ITGB1BP1: variants seen among roughly 807,000 people sequenced by gnomAD.
ITGB1BP1 encodes integrin beta-1-binding protein 1.
In ITGB1BP1, 20 loss-of-function variants were observed where a neutral mutation model predicts 28.0. The observed-to-expected ratio is 0.71, with a 90% confidence interval of 0.50 to 1.04. The LOEUF is 1.04. Ranked by LOEUF, ITGB1BP1 falls within the 50% of genes least tolerant of loss-of-function variation. ITGB1BP1 has a pLI of 0.00. For missense variants in ITGB1BP1, 228 were observed against 242.5 expected (o/e 0.94, Z 0.40); for synonymous variants, 103 against 89.5 (o/e 1.15, Z -0.85).
intron 4 of ITGB1BP1, 69 bp from the exon 5 acceptor site, chr2:9,408,274 C>CT: frequency 1.1e-6 from 1 of 946,064 alleles, no homozygotes; most frequent in Non-Finnish European, 1.7e-6. Context: ...TGACTAGTCA[C>CT]TTTGAGTATC....
At chr2:9,418,331 C>T (rs926693639) in intron 2 of ITGB1BP1, among the ~76,000 whole-genome samples, 1 of 152,158 alleles carries the variant, frequency 6.6e-6, no homozygotes, top group Admixed American at 6.5e-5. Flanking sequence ...CCCCTTAATG[C>T]CTGCAATTTC....
At position 9,405,232 on chromosome 2, in the gene ITGB1BP1, C is replaced by T. The variant is rs902168608; in HGVS notation, c.*1602G>A. 7.2e-5 allele frequency: 11 copies of T among 152,174 alleles called. No homozygotes were observed. Among genetic ancestry groups the T allele is most frequent in the Non-Finnish European group, 1.0e-4 (7 of 68,020 alleles). The allele number at this position is 152,174 out of a possible 1,614,324, so 9.4% of individuals were successfully genotyped here. On this transcript the variant is annotated 3_prime_UTR_variant, in exon 7 of 7. Coordinates refer to ENST00000355346, the MANE Select transcript of ITGB1BP1 (RefSeq NM_004763.5). ...CTTACCAGAGGAGAAATTATATTAA[C>T]GACCCTGCTAATATCCTTTCTTAGT...
intron 2 of ITGB1BP1, 28 bp downstream of exon 2, chr2:9,418,598 G>T: frequency 1.4e-6 from 2 of 1,449,932 alleles, no homozygotes; most frequent in Non-Finnish European, 1.9e-6. Flanking sequence ...CCTGCTTTAT[G>T]ATTCTGTTCC....
At chr2:9,421,252 A>G (rs1450440127) in intron 1 of ITGB1BP1, among the ~76,000 whole-genome samples, 1 of 152,226 alleles carries the variant, frequency 6.6e-6, no homozygotes, top group Non-Finnish European at 1.5e-5. Context: ...ATCCCTTGAT[A>G]TGAAAATCAT....
Position 9,407,637 on chromosome 2 carries a change from T to C in ITGB1BP1, c.382-39A>G, listed in dbSNP as rs556404898. ...GAAAGATTCCGAGAGATCAGGACTC[T>C]CAAATGTTTGTCAGTCCTGATGACA... On this transcript the variant is annotated intron_variant, in intron 5 of 6. Coordinates refer to ENST00000355346, the MANE Select transcript of ITGB1BP1 (RefSeq NM_004763.5). 28 of 1,610,706 alleles carry C rather than the reference T, an allele frequency of 1.7e-5. 1 individual carries two copies. In the South Asian group the frequency reaches 2.1e-4, roughly 12 times the overall value.
At position 9,407,449 on chromosome 2, in the gene ITGB1BP1, C is replaced by T. The variant is rs778246050; in HGVS notation, c.531G>A (p.Leu177=). The T allele has an allele frequency of 8.1e-6, 13 of 1,614,148 alleles. No homozygotes were observed. Among genetic ancestry groups the T allele is most frequent in the Non-Finnish European group, 1.1e-5 (13 of 1,180,010 alleles). Residue 177 remains leucine (L), a splice_region_variant and synonymous_variant, in exon 6 of 7, where the codon CTG becomes CTA. Coordinates refer to ENST00000355346, the MANE Select transcript of ITGB1BP1 (RefSeq NM_004763.5). ...YSLWVYQCNS[L]EQAQAICKVL... is the part of the protein sequence containing the mutation. ...GCTAACCAAAGTAACGAAGTCTCAC[C>T]AGGCTGTTGCACTGATAAACCCACA...
intron 2 of ITGB1BP1, among the ~76,000 whole-genome samples, chr2:9,417,204 T>G (rs1398019188): frequency 6.6e-6 from 1 of 152,036 alleles, no homozygotes; most frequent in African/African-American, 2.4e-5. Flanking sequence ...TCACAACACC[T>G]GCACCTGCCT....
Position 9,407,434 on chromosome 2 carries a change from G to C in ITGB1BP1, c.531+15C>G, listed in dbSNP as rs1453212092. The stretch of plus-strand genomic sequence containing the variant: ...CTTGATGGGCAAGCAGCTAACCAAA[G>C]TAACGAAGTCTCACCAGGCTGTTGC... On this transcript the variant is annotated intron_variant, in intron 6 of 6. Transcript: ENST00000355346. 8 of 1,613,920 alleles carry C rather than the reference G, an allele frequency of 5.0e-6. No homozygotes were observed. Among genetic ancestry groups the C allele is most frequent in the African/African-American group, 1.3e-5 (1 of 74,932 alleles).
At chr2:9,421,555 T>C (rs533217837) in intron 1 of ITGB1BP1, among the ~76,000 whole-genome samples, 86 of 152,024 alleles carry the variant, frequency 5.7e-4, no homozygotes, top group African/African-American at 1.9e-3. Context: ...TGCGTGGTGG[T>C]GGGCGCCTGT....
At chr2:9,408,292 C>A in intron 4 of ITGB1BP1, 87 bp from the exon 5 acceptor site, 1 of 805,144 alleles carries the variant, frequency 1.2e-6, no homozygotes, top group South Asian at 1.5e-5. Flanking sequence ...ATCTGGCCAT[C>A]GCAAGCCCAA....
chr2:9,419,278 G>A (rs1679510154), intron 1 of ITGB1BP1, among the ~76,000 whole-genome samples: 1 of 152,074 alleles, frequency 6.6e-6, no homozygotes, highest in South Asian at 2.1e-4. Flanking sequence ...TTTCAGACAC[G>A]TCACCTAGTT....
In ITGB1BP1 at chr2:9,405,824, A is replaced by G. The variant is rs939697973; in HGVS notation, c.*1010T>C. Reference sequence around the variant, plus strand: ...TTTTAAGGTTCTCTTAACTCTAGGAATTGTGGTTGGCCAGCATGTTATCTT... The same window carrying G: ...TTTTAAGGTTCTCTTAACTCTAGGAGTTGTGGTTGGCCAGCATGTTATCTT... On this transcript the variant is annotated 3_prime_UTR_variant, in exon 7 of 7. Coordinates refer to ENST00000355346, the MANE Select transcript of ITGB1BP1 (RefSeq NM_004763.5). 1.3e-4 allele frequency: 20 copies of G among 152,220 alleles called. No homozygotes were observed. The highest frequency in any genetic ancestry group is 3.3e-4 in the Admixed American group (5 of 15,274). The allele number at this position is 152,220 out of a possible 1,614,324, so 9.4% of individuals were successfully genotyped here.
intron 1 of ITGB1BP1, among the ~76,000 whole-genome samples, chr2:9,420,590 G>A (rs1039802824): frequency 6.6e-6 from 1 of 152,122 alleles, no homozygotes; most frequent in Non-Finnish European, 1.5e-5. Flanking sequence ...AAAGAAGTGC[G>A]GGCAGCCATA....
At chr2:9,411,860 T>C (rs1244472014) in intron 4 of ITGB1BP1, among the ~76,000 whole-genome samples, 1 of 150,668 alleles carries the variant, frequency 6.6e-6, no homozygotes, top group African/African-American at 2.4e-5. Flanking sequence ...CTGACCAACA[T>C]GGAAAAACCC....
At chr2:9,407,671 C>G in intron 5 of ITGB1BP1, 73 bp from the exon 6 acceptor site, 2 of 1,542,908 alleles carry the variant, frequency 1.3e-6, no homozygotes, top group Non-Finnish European at 1.8e-6. Flanking sequence ...CACACCCTCC[C>G]AGGCAGAGTG....
In ITGB1BP1 at chr2:9,409,906, G is replaced by A. The variant is rs550385651; in HGVS notation, c.289-1701C>T. 8.7e-3 allele frequency among the ~76,000 whole-genome samples: 1,276 copies of A among 146,292 alleles called. 13 individuals are homozygous for A. Among genetic ancestry groups the A allele is most frequent in the African/African-American group, 0.021 (849 of 39,696 alleles). On this transcript the variant is annotated intron_variant, in intron 4 of 6. Coordinates refer to ENST00000355346, the MANE Select transcript of ITGB1BP1 (RefSeq NM_004763.5). ...GTTGCCCAGGCTGGAGTGCAATGGC[G>A]CGATCTCGGCTCACTGCAACCTCCA...
chr2:9,410,347 T>C (rs1487131693), intron 4 of ITGB1BP1, among the ~76,000 whole-genome samples: 5 of 151,986 alleles, frequency 3.3e-5, no homozygotes, highest in Middle Eastern at 3.4e-3. Context: ...TCCCCCTGCC[T>C]TGGCCTTCTG....
intron 4 of ITGB1BP1, among the ~76,000 whole-genome samples, chr2:9,411,584 G>A (rs35968355): frequency 0.29 from 44,103 of 151,724 alleles, 7,342 homozygotes; most frequent in Non-Finnish European, 0.38. Context: ...TATCTGGGCC[G>A]TGGCAGCATG....
At chr2:9,412,041 TCA>T in intron 4 of ITGB1BP1, 1 of 353,944 alleles carries the variant, frequency 2.8e-6, no homozygotes, top group Non-Finnish European at 4.7e-6. Flanking sequence ...AAACTTGGTC[TCA>T]AAAAAAAAAA....
Sources: allele counts gnomAD v4.1 joint callset (sites outside exome capture counted in the v4.1 genomes callset), GRCh38; gene constraint gnomAD v4.1.1; transcripts MANE v1.5; gene names NCBI Gene and HGNC (gene_info 2026-07-23, HGNC 2026-07-21).